ULK4: variants seen among roughly 807,000 people sequenced by gnomAD.
The protein encoded by ULK4 is unc-51 like kinase 4.
Under a neutral mutation model 160.6 loss-of-function variants are expected in ULK4, and 133 were observed. The ratio of observed to expected loss-of-function variants is 0.83; its 90% confidence interval spans 0.72 to 0.96. The LOEUF is 0.96. Ranked by LOEUF, ULK4 falls within the 40% of genes least tolerant of loss-of-function variation. The pLI is 0.00. For synonymous variants in ULK4, 534 were observed against 539.8 expected, an observed-to-expected ratio of 0.99 and a Z score of 0.15; for missense variants, 1,580 against 1,499.5, an observed-to-expected ratio of 1.05 and a Z score of -0.89.
intron 2 of ULK4, among the ~76,000 whole-genome samples, chr3:41,939,984 C>T (rs1292617548): frequency 6.6e-6 from 1 of 151,748 alleles, no homozygotes; most frequent in African/African-American, 2.4e-5. Context: ...CAAAACCAGT[C>T]CCTGGTGTCA....
chr3:41,854,855 T>C (rs532603442), intron 17 of ULK4: 42 of 149,072 alleles, frequency 2.8e-4, no homozygotes, highest in African/African-American at 1.0e-3. Context: ...CACAGTCCAA[T>C]ACTCAAGAAC....
chr3:41,447,240 T>C (rs1012631013), intron 34 of ULK4, among the ~76,000 whole-genome samples: 2 of 152,152 alleles, frequency 1.3e-5, no homozygotes, highest in African/African-American at 4.8e-5. Context: ...GTCTGTCCCA[T>C]TGCCCTAGTC....
At chr3:41,799,561 GC>G (rs2040396179) in intron 20 of ULK4, among the ~76,000 whole-genome samples, 1 of 151,934 alleles carries the variant, frequency 6.6e-6, no homozygotes, top group African/African-American at 2.4e-5. Flanking sequence ...TTCTACTATC[GC>G]CTCTAAATTG....
intron 32 of ULK4, among the ~76,000 whole-genome samples, chr3:41,531,530 A>AT (rs2086319615): frequency 1.3e-5 from 2 of 151,848 alleles, no homozygotes; most frequent in South Asian, 4.2e-4. Context: ...AAAAGAAAAA[A>AT]AAAAGAAATA....
At chr3:41,910,193 G>C (rs1165473970) in intron 11 of ULK4, among the ~76,000 whole-genome samples, 2 of 152,142 alleles carry the variant, frequency 1.3e-5, no homozygotes, top group Non-Finnish European at 1.5e-5. Flanking sequence ...ACTGAGCCCG[G>C]TCCATACTAC....
chr3:41,482,635 T>C (rs547149316), intron 32 of ULK4, among the ~76,000 whole-genome samples: 1 of 152,342 alleles, frequency 6.6e-6, no homozygotes, highest in East Asian at 1.9e-4. Flanking sequence ...TTTTTAAATC[T>C]TTTAGATTAG....
At position 41,706,386 on chromosome 3, in the gene ULK4, T is replaced by TTATATATTATATA. The variant is rs1553637328; in HGVS notation, c.2635-1082_2635-1081insTATATAATATATA. Among the ~76,000 whole-genome samples the TTATATATTATATA allele has an allele frequency of 5.4e-3, 792 of 145,596 alleles. 8 individuals carry two copies. Among genetic ancestry groups the TTATATATTATATA allele is most frequent in the African/African-American group, 0.018 (733 of 39,916 alleles). On this transcript the variant is annotated intron_variant, in intron 25 of 36. Transcript: ENST00000301831. ...TTATATATATATTTAATATATATATTTATATATATTAAATATATATAATTA... is the reference window on the plus strand; with the variant it reads ...TTATATATATATTTAATATATATATTTATATATTATATATATATATATTAAATATATATAATTA...
intron 32 of ULK4, among the ~76,000 whole-genome samples, chr3:41,554,858 G>A (rs963834479): frequency 6.6e-6 from 1 of 151,806 alleles, no homozygotes; most frequent in African/African-American, 2.4e-5. Context: ...TTTAAAAGTA[G>A]AAATAATAAA....
chr3:41,611,038 A>C (rs2032650043), intron 31 of ULK4, among the ~76,000 whole-genome samples: 1 of 152,204 alleles, frequency 6.6e-6, no homozygotes, highest in African/African-American at 2.4e-5. Context: ...AAGTAGAGAG[A>C]AAAAATAAGT....
intron 32 of ULK4, among the ~76,000 whole-genome samples, chr3:41,553,054 A>G (rs1165034891): frequency 1.3e-5 from 2 of 152,132 alleles, no homozygotes; most frequent in African/African-American, 4.8e-5. Context: ...AGTTATATGC[A>G]GAAGAATAAA....
At chr3:41,620,883 A>G (rs934610213) in intron 30 of ULK4, among the ~76,000 whole-genome samples, 3 of 152,208 alleles carry the variant, frequency 2.0e-5, no homozygotes, top group Admixed American at 1.3e-4. Context: ...TCTCAGCCCA[A>G]AAGTTCCTTA....
intron 34 of ULK4, among the ~76,000 whole-genome samples, chr3:41,424,485 G>A (rs1419281988): frequency 6.6e-6 from 1 of 152,178 alleles, no homozygotes; most frequent in Non-Finnish European, 1.5e-5. Context: ...CCCCAACAGA[G>A]GTTGCCAGAC....
intron 29 of ULK4, 77 bp from the exon 30 acceptor site, chr3:41,663,776 C>T: frequency 8.4e-7 from 1 of 1,189,472 alleles, no homozygotes. Flanking sequence ...TCCAGCCAAA[C>T]TATCAATTTA....
intron 35 of ULK4, among the ~76,000 whole-genome samples, chr3:41,369,348 G>T (rs2081316025): frequency 6.6e-6 from 1 of 152,116 alleles, no homozygotes; most frequent in East Asian, 1.9e-4. Flanking sequence ...CTAGAAATTA[G>T]CCAGGTGTGG....
chr3:41,514,684 G>A (rs973463243), intron 32 of ULK4, among the ~76,000 whole-genome samples: 1 of 152,214 alleles, frequency 6.6e-6, no homozygotes, highest in South Asian at 2.1e-4. Context: ...GGCACAGAAA[G>A]ACAAACATTG....
chr3:41,365,002 T>A (rs577110230), intron 35 of ULK4, among the ~76,000 whole-genome samples: 1 of 152,344 alleles, frequency 6.6e-6, no homozygotes, highest in African/African-American at 2.4e-5. Context: ...GGCTCCCAAG[T>A]AATGATTTGG....
At chr3:41,868,205 A>T (rs527244957) in intron 17 of ULK4, among the ~76,000 whole-genome samples, 2 of 152,318 alleles carry the variant, frequency 1.3e-5, no homozygotes, top group South Asian at 4.1e-4. Context: ...AACAATAATG[A>T]ATTTGTCATT....
At chr3:41,551,715 C>A (rs1344021932) in intron 32 of ULK4, among the ~76,000 whole-genome samples, 5 of 151,978 alleles carry the variant, frequency 3.3e-5, no homozygotes, top group African/African-American at 1.2e-4. Flanking sequence ...AATACCAATT[C>A]TCCACCAAAT....
intron 30 of ULK4, among the ~76,000 whole-genome samples, chr3:41,624,173 GA>G (rs1432193161): frequency 6.6e-6 from 1 of 152,108 alleles, no homozygotes; most frequent in Non-Finnish European, 1.5e-5. Flanking sequence ...TCAAAACCAC[GA>G]ACAACTTCAG....
Sources: allele counts gnomAD v4.1 joint callset (sites outside exome capture counted in the v4.1 genomes callset), GRCh38; gene constraint gnomAD v4.1.1; transcripts MANE v1.5; gene names NCBI Gene and HGNC (gene_info 2026-07-23, HGNC 2026-07-21).